Variants in LMAN2L observed in about 807,000 individuals in gnomAD.
LMAN2L encodes the protein VIP36-like protein.
Under a neutral mutation model 44.3 loss-of-function variants are expected in LMAN2L, and 30 were observed. The ratio of observed to expected loss-of-function variants is 0.68; its 90% CI spans 0.51 to 0.92. LMAN2L has a LOEUF of 0.92. LMAN2L is among the 40% of genes least tolerant of loss of function. The pLI is 0.00. For synonymous variants in LMAN2L, 183 were observed against 171.1 expected (o/e 1.07, Z -0.54); for missense variants, 429 against 446.1 (o/e 0.96, Z 0.35).
chr2:96,712,153 AT>A, intron 4 of LMAN2L, 128 bp from the exon 5 acceptor site: 1 of 857,428 alleles, frequency 1.2e-6, no homozygotes, highest in East Asian at 2.7e-5. Flanking sequence ...ACTCGACCTC[AT>A]TGTCAGCAGC....
chr2:96,711,529 A>G, intron 6 of LMAN2L, 127 bp downstream of exon 6: 1 of 634,040 alleles, frequency 1.6e-6, no homozygotes, highest in South Asian at 2.0e-5. Context: ...CAGAAGGAGA[A>G]GCAGTCTTGA....
chr2:96,713,818 C>G (rs762256210), intron 4 of LMAN2L, among the ~76,000 whole-genome samples: 1 of 152,242 alleles, frequency 6.6e-6, no homozygotes, highest in Non-Finnish European at 1.5e-5. Context: ...TGCAGAATGA[C>G]AGATTTAGAA....
chr2:96,707,793 T>C lies in LMAN2L; in HGVS notation c.825A>G (p.Thr275=), dbSNP rs562532874. 1.3e-4 allele frequency: 210 copies of C among 1,613,942 alleles called. 2 individuals are homozygous for C. The South Asian group carries it at 2.2e-3, about 17-fold the overall frequency. ...TTTCCTCTTCTGGGGTTCTCTCCACTGTCAGTTCAAACAACTTCAAGGAAA... is the reference window on the plus strand; with the variant it reads ...TTTCCTCTTCTGGGGTTCTCTCCACCGTCAGTTCAAACAACTTCAAGGAAA... ...DVISLKLFEL[T]VERTPEEEKL... Residue 275 remains threonine, a synonymous_variant, in exon 7 of 8, where the codon ACA becomes ACG. Coordinates refer to ENST00000264963, the MANE Select transcript of LMAN2L (RefSeq NM_030805.4).
intron 4 of LMAN2L, among the ~76,000 whole-genome samples, chr2:96,717,812 C>T (rs2078071374): frequency 6.7e-6 from 1 of 148,510 alleles, no homozygotes; most frequent in African/African-American, 2.5e-5. Context: ...ATACGCCAGT[C>T]TGGGCAACAA....
rs1423464022 is a variant in LMAN2L at position 96,733,408 on chromosome 2, G to C, written c.507+111C>G. ...GGACATTAACTTTCAAAGTTCAACA[G>C]ATGAAGAACCCCTCACTTTCTATCT... On this transcript the variant is annotated intron_variant, in intron 4 of 7. Coordinates refer to ENST00000264963, the MANE Select transcript of LMAN2L (RefSeq NM_030805.4). The C allele has an allele frequency of 6.5e-6, 5 of 768,392 alleles. No homozygotes were observed. The East Asian group carries it at 1.3e-4, about 20-fold the overall frequency. 47.6% of individuals were successfully genotyped at this position (768,392 alleles called of 1,614,324 possible).
intron 4 of LMAN2L, chr2:96,713,218 C>G (rs2077966903): frequency 7.9e-7 from 1 of 1,259,816 alleles, no homozygotes; most frequent in Admixed American, 2.0e-5. Flanking sequence ...GACACAGCCA[C>G]AGAAGAGCTA....
intron 1 of LMAN2L, 112 bp downstream of exon 1, chr2:96,739,742 C>A: frequency 8.9e-7 from 1 of 1,119,418 alleles, no homozygotes. Flanking sequence ...GCCCCACCAC[C>A]GCCAGCAGTT....
At chr2:96,723,902 T>C (rs1387543725) in intron 4 of LMAN2L, among the ~76,000 whole-genome samples, 2 of 151,730 alleles carry the variant, frequency 1.3e-5, no homozygotes, top group African/African-American at 4.8e-5. Flanking sequence ...TCCTGGCTAA[T>C]ATGGTGAAAC....
chr2:96,734,138 G>A (rs552011547), intron 3 of LMAN2L, among the ~76,000 whole-genome samples: 16 of 152,290 alleles, frequency 1.1e-4, no homozygotes, highest in Middle Eastern at 3.4e-3. Flanking sequence ...GTTCAGGAGA[G>A]CCAGTGCTTT....
At chr2:96,715,845 C>T (rs2078029095) in intron 4 of LMAN2L, among the ~76,000 whole-genome samples, 1 of 152,230 alleles carries the variant, frequency 6.6e-6, no homozygotes, top group Admixed American at 6.5e-5. Context: ...AGTTATGTCA[C>T]TTATAGCTGT....
At chr2:96,717,005 T>C (rs2078052724) in intron 4 of LMAN2L, among the ~76,000 whole-genome samples, 1 of 152,156 alleles carries the variant, frequency 6.6e-6, no homozygotes, top group Non-Finnish European at 1.5e-5. Flanking sequence ...AGGTGAAATA[T>C]GAATAAGGCC....
At chr2:96,739,722 G>A in intron 1 of LMAN2L, 132 bp downstream of exon 1, 1 of 882,798 alleles carries the variant, frequency 1.1e-6, no homozygotes, top group Non-Finnish European at 1.8e-6. Flanking sequence ...CGCGGAGGGA[G>A]TCTCCGTGGG....
At chr2:96,725,444 C>CT (rs998623420) in intron 4 of LMAN2L, among the ~76,000 whole-genome samples, 1,443 of 135,980 alleles carry the variant, frequency 0.011, 9 homozygotes, top group Non-Finnish European at 0.015. Flanking sequence ...ATTAAATTTT[C>CT]TTTTTTTTTT....
In LMAN2L at chr2:96,712,010, T is replaced by G. The variant is rs774650976; in HGVS notation, c.523A>C (p.Ile175Leu). Residue 175 changes from isoleucine (I) to leucine (L), a missense_variant, in exon 5 of 8, where the codon ATC (isoleucine) becomes CTC (leucine). Coordinates refer to ENST00000264963, the MANE Select transcript of LMAN2L (RefSeq NM_030805.4). ...GAGCCGTTGTTCACCATGGCTGAGA[T>G]GTAGGGGAATACCCGCTGGAAAGCA... is the stretch of plus-strand genomic sequence containing the variant. ...EKQQERVFPY[I>L]SAMVNNGSLS... 6.2e-7 allele frequency: 1 copy of G among 1,614,134 alleles called. No individual in the cohort carries two copies. Among genetic ancestry groups the G allele is most frequent in the East Asian group, 2.2e-5 (1 of 44,878 alleles).
At chr2:96,731,257 GGAAT>G (rs1349250939) in intron 4 of LMAN2L, among the ~76,000 whole-genome samples, 1 of 152,152 alleles carries the variant, frequency 6.6e-6, no homozygotes, top group African/African-American at 2.4e-5. Flanking sequence ...TAATGTATGT[GGAAT>G]GAAGAACAGC....
intron 4 of LMAN2L, among the ~76,000 whole-genome samples, chr2:96,728,655 C>T (rs2078325444): frequency 6.6e-6 from 1 of 151,984 alleles, no homozygotes; most frequent in African/African-American, 2.4e-5. Flanking sequence ...CCAGCCTGGC[C>T]AACGCAGTGA....
chr2:96,733,130 T>C (rs2078441928), intron 4 of LMAN2L, among the ~76,000 whole-genome samples: 1 of 152,186 alleles, frequency 6.6e-6, no homozygotes, highest in South Asian at 2.1e-4. Flanking sequence ...GAAAAGTGTG[T>C]GCAAGTTGCA....
chr2:96,715,722 T>C (rs1170388578), intron 4 of LMAN2L, among the ~76,000 whole-genome samples: 1 of 152,258 alleles, frequency 6.6e-6, no homozygotes, highest in Non-Finnish European at 1.5e-5. Context: ...ACGGGATAAC[T>C]GTATCTTCAG....
rs752347129 is a variant in LMAN2L at position 96,712,028 on chromosome 2, G to A, written c.508-3C>T. 4 of 1,613,994 alleles carry A rather than the reference G, an allele frequency of 2.5e-6. No homozygotes were observed. The Admixed American group carries it at 6.7e-5, about 27-fold the overall frequency. On this transcript the variant is annotated splice_region_variant and splice_polypyrimidine_tract_variant and intron_variant, in intron 4 of 7. Transcript: ENST00000264963. ...GCTGAGATGTAGGGGAATACCCGCT[G>A]GAAAGCAGAGAGGGGGAAGCAGACA...
Sources: allele counts gnomAD v4.1 joint callset (sites outside exome capture counted in the v4.1 genomes callset), GRCh38; gene constraint gnomAD v4.1.1; transcripts MANE v1.5; gene names NCBI Gene and HGNC (gene_info 2026-07-23, HGNC 2026-07-21).